OMA1: variants seen among roughly 807,000 people sequenced by gnomAD.
OMA1 encodes the protein metalloendopeptidase OMA1, mitochondrial.
OMA1 carries 38 observed loss-of-function variants against 30.9 expected under a neutral mutation model. That is an observed-to-expected ratio of 1.23 (90% confidence interval 0.95 to 1.61). The LOEUF (loss-of-function observed/expected upper bound fraction) is 1.61. OMA1 is among the 40% of genes most tolerant of loss of function. The pLI, the probability that OMA1 is intolerant of heterozygous loss-of-function variation, is 0.00. For missense variants in OMA1, 461 were observed against 349.2 expected, an observed-to-expected ratio of 1.32 and a Z score of -2.55; for synonymous variants, 173 against 121.9, an observed-to-expected ratio of 1.42 and a Z score of -2.76.
At chr1:58,518,229 A>AC in intron 7 of OMA1, among the ~76,000 whole-genome samples, 2 of 2,732 alleles carry the variant, frequency 7.3e-4, no homozygotes, top group African/African-American at 2.1e-3. Context: ...GAGAGGGGAG[A>AC]GGGGAGAGGG....
chr1:58,488,883 T>C (rs1645624109), intron 8 of OMA1, among the ~76,000 whole-genome samples: 1 of 152,264 alleles, frequency 6.6e-6, no homozygotes, highest in Non-Finnish European at 1.5e-5. Context: ...AACATTTTTA[T>C]ATTATGTACA....
At chr1:58,515,589 T>A (rs1413472378) in intron 7 of OMA1, among the ~76,000 whole-genome samples, 2 of 152,210 alleles carry the variant, frequency 1.3e-5, no homozygotes, top group Non-Finnish European at 2.9e-5. Context: ...GTATGCATTA[T>A]GAAAGTTACT....
chr1:58,499,270 T>A (rs1388519208), intron 8 of OMA1, among the ~76,000 whole-genome samples: 1 of 132,074 alleles, frequency 7.6e-6, no homozygotes, highest in African/African-American at 3.0e-5. Flanking sequence ...TCAAAAAGTA[T>A]GAAGTTTTGC....
intron 6 of OMA1, among the ~76,000 whole-genome samples, chr1:58,529,429 T>C (rs1462326337): frequency 1.3e-5 from 2 of 152,252 alleles, no homozygotes; most frequent in African/African-American, 4.8e-5. Flanking sequence ...ACTTTCAGTA[T>C]TACAGTGTTT....
At chr1:58,490,318 G>A (rs1200809290) in intron 8 of OMA1, among the ~76,000 whole-genome samples, 2 of 152,146 alleles carry the variant, frequency 1.3e-5, no homozygotes, top group Admixed American at 6.5e-5. Context: ...TAGCCGATTC[G>A]ATCAACTGGA....
chr1:58,524,501 C>A (rs1404326961), intron 7 of OMA1, among the ~76,000 whole-genome samples: 2 of 152,162 alleles, frequency 1.3e-5, no homozygotes, highest in Non-Finnish European at 2.9e-5. Flanking sequence ...TATGGCAATC[C>A]TGCACCCACA....
intron 8 of OMA1, among the ~76,000 whole-genome samples, chr1:58,495,107 A>G (rs919714113): frequency 1.3e-5 from 2 of 152,212 alleles, no homozygotes; most frequent in African/African-American, 4.8e-5. Flanking sequence ...GGATGAGTTC[A>G]TGTCCTTTGT....
intron 8 of OMA1, among the ~76,000 whole-genome samples, chr1:58,494,412 A>G (rs1429845951): frequency 7.9e-5 from 12 of 152,136 alleles, no homozygotes; most frequent in Admixed American, 6.5e-5. Flanking sequence ...GCCAAAATTG[A>G]TAAATGGGAT....
rs148414102 is a variant in OMA1, at chr1:58,538,857, C to T, written c.438G>A (p.Pro146=). The change falls in exon 2 of 9, where the codon CCG becomes CCA. Residue 146 remains proline, a synonymous_variant. Coordinates refer to ENST00000371226, the MANE Select transcript of OMA1 (RefSeq NM_145243.5). The part of the protein sequence containing the change: ...FHTSPRFQAA[P]VPLLLMILKP... ...TAAGAATCATCAACAAGAGAGGAACCGGAGCAGCTTGAAACCGTGGAGAAG... is the reference window on the plus strand; with the variant it reads ...TAAGAATCATCAACAAGAGAGGAACTGGAGCAGCTTGAAACCGTGGAGAAG... 3.8e-5 allele frequency: 33 copies of T among 871,216 alleles called. No homozygotes were observed. The highest frequency in any genetic ancestry group is 5.6e-5 in the Non-Finnish European group (28 of 501,170). 54.0% of individuals were successfully genotyped at this position (871,216 alleles called of 1,614,324 possible).
rs368004765 is a variant in OMA1 at position 58,539,483 on chromosome 1, G to C, written c.-16-173C>G. Among the ~76,000 whole-genome samples the C allele has an allele frequency of 6.0e-4, 91 of 152,238 alleles. No individual in the cohort carries two copies. The South Asian group carries it at 0.018, about 30-fold the overall frequency. On this transcript the variant is annotated intron_variant, in intron 1 of 8. Transcript: ENST00000371226. ...CAACGCCTTTCAGCAAGATAAACCA[G>C]AGTATATATACCACGATATTTACTA... is the stretch of plus-strand genomic sequence containing the variant.
chr1:58,512,007 C>T (rs1646085136), intron 7 of OMA1, among the ~76,000 whole-genome samples: 1 of 152,106 alleles, frequency 6.6e-6, no homozygotes, highest in African/African-American at 2.4e-5. Flanking sequence ...TACCAAATAA[C>T]TGATAAACAG....
chr1:58,496,661 T>C (rs954133591), intron 8 of OMA1, among the ~76,000 whole-genome samples: 2 of 152,178 alleles, frequency 1.3e-5, no homozygotes, highest in Non-Finnish European at 2.9e-5. Context: ...AATAAGATTA[T>C]CCTCATTTTT....
chr1:58,506,740 A>G (rs539095621), intron 7 of OMA1, among the ~76,000 whole-genome samples: 7 of 152,324 alleles, frequency 4.6e-5, no homozygotes, highest in African/African-American at 1.7e-4. Flanking sequence ...CTTCTATGCC[A>G]CTAGAACAAT....
intron 2 of OMA1, among the ~76,000 whole-genome samples, chr1:58,537,242 T>C (rs1646532523): frequency 6.6e-6 from 1 of 152,140 alleles, no homozygotes; most frequent in African/African-American, 2.4e-5. Flanking sequence ...AGCCACTTAA[T>C]AGGGATAAAT....
rs138221678 is a variant in OMA1 at position 58,500,211 on chromosome 1, ATGT to A, written c.1365+5846_1365+5848del. Reference sequence around the variant, plus strand: ...AATATTTTTTTTAAGGGTTTAGACAATGTTACTGTCAGGCTTCCTGGCTTTATA... The same window carrying A: ...AATATTTTTTTTAAGGGTTTAGACAATACTGTCAGGCTTCCTGGCTTTATA... On this transcript the variant is annotated intron_variant, in intron 8 of 8. Coordinates refer to ENST00000371226, the MANE Select transcript of OMA1 (RefSeq NM_145243.5). Among the ~76,000 whole-genome samples the A allele has an allele frequency of 3.4e-3, 519 of 152,242 alleles. 2 individuals carry two copies. The highest frequency in any genetic ancestry group is 0.012 in the African/African-American group (488 of 41,542).
intron 7 of OMA1, among the ~76,000 whole-genome samples, chr1:58,516,682 A>G (rs1413214235): frequency 6.6e-6 from 1 of 152,174 alleles, no homozygotes; most frequent in African/African-American, 2.4e-5. Flanking sequence ...CATGAGTAAC[A>G]TCGTTTTTGT....
intron 7 of OMA1, among the ~76,000 whole-genome samples, chr1:58,508,110 T>C (rs1245766136): frequency 6.6e-6 from 1 of 151,964 alleles, no homozygotes; most frequent in African/African-American, 2.4e-5. Context: ...TATGCAGAAA[T>C]AGAAAAAGAA....
chr1:58,495,701 T>TAA (rs5774412), intron 8 of OMA1, among the ~76,000 whole-genome samples: 8 of 145,012 alleles, frequency 5.5e-5, no homozygotes, highest in African/African-American at 1.0e-4. Flanking sequence ...TCTTCCACCA[T>TAA]AAAAAAAAAA....
At chr1:58,524,579 G>A (rs945206626) in intron 7 of OMA1, among the ~76,000 whole-genome samples, 1 of 152,222 alleles carries the variant, frequency 6.6e-6, no homozygotes, top group Non-Finnish European at 1.5e-5. Context: ...ATGCTTGCTG[G>A]TAGAGTTGCA....
Sources: gnomAD v4.1 joint callset for allele counts (sites outside exome capture counted in the v4.1 genomes callset) on GRCh38, gnomAD v4.1.1 for gene constraint, MANE v1.5 for transcripts, NCBI Gene and HGNC (gene_info 2026-07-23, HGNC 2026-07-21) for gene names.